The following GNAL variants were observed in gnomAD, a reference collection of about 807,000 sequenced individuals.
The protein encoded by GNAL is guanine nucleotide-binding protein G(olf) subunit alpha.
A neutral mutation model predicts 55.1 loss-of-function variants in GNAL; 18 were observed. The ratio of observed to expected loss-of-function variants is 0.33; its 90% CI spans 0.23 to 0.48. The LOEUF (loss-of-function observed/expected upper bound fraction) is 0.48, where lower values mean the gene tolerates loss of function less well. GNAL is among the 20% of genes least tolerant of loss of function. The pLI, the probability that GNAL is intolerant of heterozygous loss-of-function variation, is 0.99. For synonymous variants in GNAL, 253 were observed against 237.0 expected (o/e 1.07, Z -0.62); for missense variants, 412 against 614.1 (o/e 0.67, Z 3.48).
At chr18:11,847,896 A>G (rs931232326) in intron 5 of GNAL, among the ~76,000 whole-genome samples, 21 of 152,230 alleles carry the variant, frequency 1.4e-4, no homozygotes, top group African/African-American at 4.8e-4. Flanking sequence ...AAGGTTGTCA[A>G]CCTCAATGGA....
chr18:11,752,552 A>G lies in GNAL; in HGVS notation c.377-301A>G, dbSNP rs2032885238. The G allele has an allele frequency of 6.2e-7, 1 of 1,611,600 alleles. No individual in the cohort carries two copies. Among genetic ancestry groups the G allele is most frequent in the South Asian group, 1.1e-5 (1 of 90,804 alleles). ...TTGCAGAAAGAGCGCCTGGCTTACA[A>G]GGCTACCCACCGCCTGCTGCTCCTG... On this transcript the variant is annotated intron_variant, in intron 1 of 11. Transcript: ENST00000334049. The surrounding 1 kb of genome is among the most constrained non-coding windows in gnomAD (Gnocchi z 4.5).
At chr18:11,742,836 C>T (rs1415920545) in intron 1 of GNAL, among the ~76,000 whole-genome samples, 1 of 152,228 alleles carries the variant, frequency 6.6e-6, no homozygotes, top group Non-Finnish European at 1.5e-5. Context: ...CCACCTAGCC[C>T]TCGGCTCATA....
intron 10 of GNAL, among the ~76,000 whole-genome samples, 175 bp from the exon 11 acceptor site, chr18:11,876,446 G>GAC (rs2036534162): frequency 1.3e-5 from 2 of 152,148 alleles, no homozygotes; most frequent in African/African-American, 4.8e-5. Context: ...CTGGGCAAGA[G>GAC]AGTGAGACTC....
intron 4 of GNAL, among the ~76,000 whole-genome samples, chr18:11,793,504 T>G (rs1468703117): frequency 6.6e-6 from 1 of 150,834 alleles, no homozygotes; most frequent in Non-Finnish European, 1.5e-5. Flanking sequence ...ATCACTTGAG[T>G]CCACAAATTC....
intron 4 of GNAL, among the ~76,000 whole-genome samples, chr18:11,793,911 G>GAAAA (rs76942749): frequency 1.9e-5 from 2 of 106,400 alleles, no homozygotes; most frequent in Admixed American, 1.1e-4. Context: ...TCCATCTCGG[G>GAAAA]AAAAAAAAAA....
At chr18:11,807,392 A>C (rs975194871) in intron 4 of GNAL, among the ~76,000 whole-genome samples, 4 of 152,124 alleles carry the variant, frequency 2.6e-5, no homozygotes, top group African/African-American at 7.2e-5. Context: ...CGTGGACTAG[A>C]TGATGATGGC....
At chr18:11,760,814 C>T (rs1374486966) in intron 4 of GNAL, among the ~76,000 whole-genome samples, 1 of 152,160 alleles carries the variant, frequency 6.6e-6, no homozygotes, top group South Asian at 2.1e-4. Flanking sequence ...GGGGCCAGCC[C>T]AAACTGTGTT....
intron 1 of GNAL, among the ~76,000 whole-genome samples, chr18:11,709,707 T>C (rs2031794273): frequency 6.6e-6 from 1 of 152,172 alleles, no homozygotes; most frequent in South Asian, 2.1e-4. Flanking sequence ...TTTGGTGAAA[T>C]TTTTATATTT....
intron 4 of GNAL, among the ~76,000 whole-genome samples, chr18:11,786,234 C>G (rs776640742): frequency 1.3e-5 from 2 of 152,128 alleles, no homozygotes; most frequent in East Asian, 1.9e-4. Flanking sequence ...CAGTATTACT[C>G]AAAGACCCCA....
intron 4 of GNAL, 124 bp from the exon 5 acceptor site, chr18:11,824,794 C>T (rs964966646): frequency 1.7e-6 from 1 of 597,614 alleles, no homozygotes; most frequent in South Asian, 2.1e-5. Context: ...ACTATGCAGA[C>T]TTCCACAAAG....
At chr18:11,869,957 A>G (rs373178007) in intron 9 of GNAL, among the ~76,000 whole-genome samples, 8 of 152,278 alleles carry the variant, frequency 5.3e-5, no homozygotes, top group Admixed American at 5.2e-4. Flanking sequence ...AAAAAAATTG[A>G]CTAAAAATAA....
chr18:11,733,070 A>C lies in GNAL; in HGVS notation c.377-19783A>C, dbSNP rs186329679. Reference sequence around the variant, plus strand: ...TAGTGTTGTCTGGTCCGCTGTGGACACCTGGACATGTGAAGAGAAGACTCT... The same window carrying C: ...TAGTGTTGTCTGGTCCGCTGTGGACCCCTGGACATGTGAAGAGAAGACTCT... On this transcript the variant is annotated intron_variant, in intron 1 of 11. Transcript: ENST00000334049. Among the ~76,000 whole-genome samples the C allele has an allele frequency of 2.0e-4, 31 of 151,922 alleles. No individual in the cohort carries two copies. In the East Asian group the frequency reaches 5.7e-3, roughly 28 times the overall value.
intron 4 of GNAL, among the ~76,000 whole-genome samples, chr18:11,803,241 C>T (rs775071283): frequency 1.5e-4 from 23 of 152,212 alleles, no homozygotes; most frequent in Non-Finnish European, 2.9e-4. Context: ...CAACTCCTTC[C>T]TCCCCACAGC....
At chr18:11,721,889 AAAATAAATAAATAAATAAATAAAT>A (rs145268603) in intron 1 of GNAL, among the ~76,000 whole-genome samples, 2 of 145,936 alleles carry the variant, frequency 1.4e-5, no homozygotes, top group East Asian at 4.1e-4. Context: ...TCTGTCTCAA[AAAATAAATAAATAAATAAATAAAT>A]AAATAAATAA....
At chr18:11,748,532 A>C (rs573391646) in intron 1 of GNAL, among the ~76,000 whole-genome samples, 2 of 152,248 alleles carry the variant, frequency 1.3e-5, no homozygotes, top group East Asian at 3.9e-4. Flanking sequence ...GTACTTTTTC[A>C]TCACATCTGT....
chr18:11,709,931 G>C (rs1225663296), intron 1 of GNAL, among the ~76,000 whole-genome samples: 1 of 152,104 alleles, frequency 6.6e-6, no homozygotes, highest in Non-Finnish European at 1.5e-5. Context: ...AATATTAGCT[G>C]TGGGCTTTTC....
intron 1 of GNAL, among the ~76,000 whole-genome samples, chr18:11,735,018 G>T (rs1332375874): frequency 6.7e-6 from 1 of 149,202 alleles, no homozygotes. Context: ...CGTGAGGATT[G>T]GTGGGCATTT....
intron 4 of GNAL, among the ~76,000 whole-genome samples, chr18:11,813,051 C>T (rs1370915394): frequency 2.0e-5 from 3 of 151,832 alleles, no homozygotes; most frequent in African/African-American, 4.8e-5. Flanking sequence ...GTCAGGAGTT[C>T]GAGACCAGCC....
At chr18:11,879,690 G>A (rs1034314594) in intron 11 of GNAL, among the ~76,000 whole-genome samples, 8 of 152,150 alleles carry the variant, frequency 5.3e-5, no homozygotes, top group African/African-American at 1.9e-4. Context: ...ACACAATTTG[G>A]CCCTAACAGC....
Sources: allele counts gnomAD v4.1 joint callset (sites outside exome capture counted in the v4.1 genomes callset), GRCh38; gene constraint gnomAD v4.1.1; non-coding constraint Gnocchi (gnomAD v3.1); transcripts MANE v1.5; gene names NCBI Gene and HGNC (gene_info 2026-07-23, HGNC 2026-07-21).